Variants in MRPS6 observed in about 807,000 individuals in gnomAD.
MRPS6 encodes the protein mitochondrial ribosomal protein S6.
In MRPS6, 6 loss-of-function variants were observed where a neutral mutation model predicts 13.1. The ratio of observed to expected loss-of-function variants is 0.46; its 90% CI spans 0.25 to 0.91. The LOEUF (loss-of-function observed/expected upper bound fraction) is 0.91. Ranked by LOEUF, MRPS6 falls within the 40% of genes least tolerant of loss-of-function variation. The pLI is 0.18. For missense variants in MRPS6, 164 were observed against 155.6 expected, an observed-to-expected ratio of 1.05 and a Z score of -0.29; for synonymous variants, 61 against 56.5, an observed-to-expected ratio of 1.08 and a Z score of -0.36.
intron 1 of MRPS6, chr21:34,097,259 G>T: frequency 6.2e-7 from 1 of 1,614,010 alleles, no homozygotes; most frequent in South Asian, 1.1e-5. Context: ...GTTTACAGAT[G>T]CTAGAAGAGA....
chr21:34,102,466 A>G, intron 1 of MRPS6: 1 of 1,000,128 alleles, frequency 1.0e-6, no homozygotes. Flanking sequence ...GTAACCAACA[A>G]CCCTAACCAT....
intron 1 of MRPS6, among the ~76,000 whole-genome samples, chr21:34,115,622 G>A (rs192977969): frequency 3.3e-5 from 5 of 152,318 alleles, no homozygotes; most frequent in Non-Finnish European, 7.4e-5. Flanking sequence ...GATGGACACG[G>A]AGTCAGTGAA....
chr21:34,130,849 T>A (rs1276900110), intron 2 of MRPS6, among the ~76,000 whole-genome samples: 1 of 152,196 alleles, frequency 6.6e-6, no homozygotes, highest in Admixed American at 6.5e-5. Flanking sequence ...AAAAGAGAGA[T>A]GCTTTTGTGA....
chr21:34,113,690 G>A (rs1011653585), intron 1 of MRPS6, among the ~76,000 whole-genome samples: 1 of 152,106 alleles, frequency 6.6e-6, no homozygotes, highest in African/African-American at 2.4e-5. Flanking sequence ...AGCAAATTAT[G>A]CAAATCTGAC....
At chr21:34,102,061 C>G (rs1173154477) in intron 1 of MRPS6, 6 of 999,808 alleles carry the variant, frequency 6.0e-6, no homozygotes, top group Non-Finnish European at 7.2e-6. Context: ...AAAAGGTAAT[C>G]TTTCGATTGC....
intron 1 of MRPS6, among the ~76,000 whole-genome samples, chr21:34,090,964 A>G (rs1213273171): frequency 6.6e-6 from 1 of 152,232 alleles, no homozygotes; most frequent in Non-Finnish European, 1.5e-5. Flanking sequence ...GGAGAAAACA[A>G]GCTTGGGTAT....
At chr21:34,120,580 C>A (rs563466978) in intron 1 of MRPS6, among the ~76,000 whole-genome samples, 1 of 152,220 alleles carries the variant, frequency 6.6e-6, no homozygotes, top group East Asian at 1.9e-4. Flanking sequence ...GCTTTAATTT[C>A]TTCTAGGATT....
chr21:34,112,028 C>T (rs1274028999), intron 1 of MRPS6, among the ~76,000 whole-genome samples: 3 of 152,160 alleles, frequency 2.0e-5, no homozygotes, highest in Admixed American at 1.3e-4. Context: ...CTCTGCATCT[C>T]TCCTTTTGAC....
Position 34,096,906 on chromosome 21 carries a change from A to G in MRPS6, c.45+23161A>G, listed in dbSNP as rs1453598061. 1 of 1,614,048 alleles carries G rather than the reference A, an allele frequency of 6.2e-7. No homozygotes were observed. Among genetic ancestry groups the G allele is most frequent in the Non-Finnish European group, 8.5e-7 (1 of 1,180,002 alleles). ...AGAGGAACCATACAAAATGCAAGAAAAGAGCATTCTGAGATGCAGTGAGAA... is the reference window on the plus strand; with the variant it reads ...AGAGGAACCATACAAAATGCAAGAAGAGAGCATTCTGAGATGCAGTGAGAA... On this transcript the variant is annotated intron_variant, in intron 1 of 2. Coordinates refer to ENST00000399312, the MANE Select transcript of MRPS6 (RefSeq NM_032476.4). This position sits in a 1 kb window ranked among gnomAD's most constrained non-coding sequence, Gnocchi z 5.9.
chr21:34,104,385 A>T, intron 1 of MRPS6: 2 of 1,000,174 alleles, frequency 2.0e-6, no homozygotes, highest in Non-Finnish European at 2.4e-6. Flanking sequence ...TTCACCTCCG[A>T]GTAGCTTGTT....
At chr21:34,120,360 T>G (rs1980076297) in intron 1 of MRPS6, among the ~76,000 whole-genome samples, 1 of 152,218 alleles carries the variant, frequency 6.6e-6, no homozygotes. Context: ...TACAGCTGTA[T>G]ATTTTTGGAA....
At chr21:34,141,424 A>T (rs1437639657) in intron 2 of MRPS6, among the ~76,000 whole-genome samples, 1 of 152,160 alleles carries the variant, frequency 6.6e-6, no homozygotes, top group African/African-American at 2.4e-5. Context: ...TTGGACAGAG[A>T]CATGATAGAA....
rs116535177 is a variant in MRPS6 at position 34,115,343 on chromosome 21, C to T, written c.46-9998C>T. 7.2e-4 allele frequency among the ~76,000 whole-genome samples: 110 copies of T among 152,286 alleles called. 1 individual carries two copies. Among genetic ancestry groups the T allele is most frequent in the Middle Eastern group, 3.4e-3 (1 of 294 alleles). The stretch of plus-strand genomic sequence containing the variant: ...CCTGGCTGCATGGCCATAGAATGGG[C>T]AGGCTCCTGTTTCCACATCCCTTGG... On this transcript the variant is annotated intron_variant, in intron 1 of 2. Transcript: ENST00000399312.
intron 1 of MRPS6, chr21:34,124,259 T>C (rs1980222850): frequency 6.6e-6 from 1 of 152,266 alleles, no homozygotes; most frequent in African/African-American, 2.4e-5. Flanking sequence ...CTTTTAGCTG[T>C]AGTGACAGTT....
At chr21:34,095,438 C>T (rs373014409) in intron 1 of MRPS6, 72 of 1,613,840 alleles carry the variant, frequency 4.5e-5, no homozygotes, top group Admixed American at 2.2e-4. Flanking sequence ...TTGCAGTGGG[C>T]GCATGGGAAT....
intron 1 of MRPS6, among the ~76,000 whole-genome samples, chr21:34,079,572 A>G (rs1051851429): frequency 1.5e-5 from 2 of 133,732 alleles, no homozygotes; most frequent in Non-Finnish European, 3.1e-5. Flanking sequence ...AGTAGCTGGG[A>G]TTACAGGCAT....
chr21:34,101,239 A>G, intron 1 of MRPS6: 1 of 1,000,108 alleles, frequency 1.0e-6, no homozygotes, highest in Non-Finnish European at 1.2e-6. Context: ...CATTTTCATT[A>G]GATTTAGAGC....
At chr21:34,115,072 G>A (rs922660005) in intron 1 of MRPS6, among the ~76,000 whole-genome samples, 9 of 152,128 alleles carry the variant, frequency 5.9e-5, no homozygotes, top group Non-Finnish European at 8.8e-5. Flanking sequence ...TGCTTTTTAC[G>A]TTTGCAAATT....
At chr21:34,101,754 T>G in intron 1 of MRPS6, 1 of 993,876 alleles carries the variant, frequency 1.0e-6, no homozygotes, top group Non-Finnish European at 1.2e-6. Context: ...TAATTATGTT[T>G]TAAGTATACT....
Sources: gnomAD v4.1 joint callset for allele counts (sites outside exome capture counted in the v4.1 genomes callset) on GRCh38, gnomAD v4.1.1 for gene constraint, Gnocchi (gnomAD v3.1) non-coding constraint, MANE v1.5 for transcripts, NCBI Gene and HGNC (gene_info 2026-07-23, HGNC 2026-07-21) for gene names.